CYP2W1: variants seen among roughly 807,000 people sequenced by gnomAD.
CYP2W1 encodes the protein cytochrome P450 2W1.
Under a neutral mutation model 44.9 loss-of-function variants are expected in CYP2W1, and 51 were observed. The ratio of observed to expected loss-of-function variants is 1.14; its 90% CI spans 0.91 to 1.43. The LOEUF is 1.43. CYP2W1 is among the 40% of genes most tolerant of loss of function. The pLI is 0.00. For missense variants in CYP2W1, 746 were observed against 700.0 expected, an observed-to-expected ratio of 1.07 and a Z score of -0.74; for synonymous variants, 383 against 338.3, an observed-to-expected ratio of 1.13 and a Z score of -1.45.
chr7:985,092 C>G lies in CYP2W1; in HGVS notation c.480C>G (p.Gly160=). Residue 160 remains glycine, a synonymous_variant, in exon 3 of 9, where the codon GGC becomes GGG. Transcript: ENST00000308919. The stretch of plus-strand genomic sequence containing the variant: ...AATGCCTCTCTGGGCAGCTGGATGG[C>G]TACAGAGGTGAGCAGGGGGCCGGGG... ...ELKCLSGQLD[G]YRGRPFPLAL... 6.2e-7 allele frequency: 1 copy of G among 1,612,088 alleles called. No homozygotes were observed. The highest frequency in any genetic ancestry group is 1.7e-5 in the Admixed American group (1 of 59,962).
At chr7:987,311 G>A (rs1328494225) in intron 6 of CYP2W1, 36 bp from the exon 7 acceptor site, 2 of 1,535,802 alleles carry the variant, frequency 1.3e-6, no homozygotes, top group Non-Finnish European at 1.8e-6. Flanking sequence ...GACGAGGGAT[G>A]GCGCTGCCAC....
At chr7:984,299 GCCC>G (rs751693758) in intron 1 of CYP2W1, 110 bp from the exon 2 acceptor site, 66 of 1,371,230 alleles carry the variant, frequency 4.8e-5, no homozygotes, top group Non-Finnish European at 6.4e-5. Context: ...CCCTCCACCT[GCCC>G]CCATTTTCCC....
In CYP2W1 at chr7:988,876, C is replaced by T. The variant is rs1679349385; in HGVS notation, c.*54C>T. 1.8e-6 allele frequency: 2 copies of T among 1,122,554 alleles called. No individual in the cohort carries two copies. Among genetic ancestry groups the T allele is most frequent in the Non-Finnish European group, 1.3e-6 (1 of 799,048 alleles). The allele number at this position is 1,122,554 out of a possible 1,614,324, so 69.5% of individuals were successfully genotyped here. On this transcript the variant is annotated 3_prime_UTR_variant, in exon 9 of 9. Transcript: ENST00000308919. ...ACCACTCCCCTCCCAGCCCTGGGTC[C>T]TCCCACCCTCTCTCCTCCCACCCCA...
In CYP2W1 at chr7:985,223, T is replaced by G; in HGVS notation, c.545T>G (p.Leu182Arg). 6.4e-7 allele frequency: 1 copy of G among 1,554,914 alleles called. No homozygotes were observed. Among genetic ancestry groups the G allele is most frequent in the Non-Finnish European group, 8.7e-7 (1 of 1,149,414 alleles). The change falls in exon 4 of 9, where the codon CTC (leucine) becomes CGC (arginine). Residue 182 changes from leucine to arginine, a missense_variant. Coordinates refer to ENST00000308919, the MANE Select transcript of CYP2W1 (RefSeq NM_017781.3). The part of the protein sequence containing the change: ...GWAPSNITFA[L>R]LFGRRFDYRD... ...GCTCCCTCCAATATCACCTTCGCGC[T>G]CCTCTTCGGCCGCCGATTTGACTAC...
rs1333260608 is a variant in CYP2W1 at position 984,325 on chromosome 7, C to A, written c.175-87C>A. 8.1e-6 allele frequency: 12 copies of A among 1,486,654 alleles called. No individual in the cohort carries two copies. In the East Asian group the frequency reaches 2.5e-4, roughly 31 times the overall value. 92.1% of individuals were successfully genotyped at this position (1,486,654 alleles called of 1,614,324 possible). A position where few individuals can be genotyped will look rare whatever the true frequency, so the allele number is the denominator to read the frequency against. On this transcript the variant is annotated intron_variant, in intron 1 of 8. Transcript: ENST00000308919. ...CCCCCATTTTCCCTCTGTCCCCACC[C>A]CTACCCAGCACAGGCCCGGCCTGAG...
chr7:987,446 A>G lies in CYP2W1; in HGVS notation c.1058A>G (p.Glu353Gly), dbSNP rs1197348835. Residue 353 changes from glutamate to glycine, a missense_variant, in exon 7 of 9, where the codon GAG becomes GGG. Coordinates refer to ENST00000308919, the MANE Select transcript of CYP2W1 (RefSeq NM_017781.3). ...CCCTACACAAGCGCCGTGCTCCACG[A>G]GGTGCAGCGGTTCATCACGCTCCTG... ...ALPYTSAVLH[E>G]VQRFITLLPH... The G allele has an allele frequency of 6.3e-7, 1 of 1,584,494 alleles. No homozygotes were observed. The highest frequency in any genetic ancestry group is 1.1e-5 in the South Asian group (1 of 88,628).
intron 1 of CYP2W1, 151 bp downstream of exon 1, chr7:983,536 C>T: frequency 1.3e-6 from 1 of 749,596 alleles, no homozygotes; most frequent in East Asian, 3.3e-5. Flanking sequence ...GCCCACCCTG[C>T]TTTTGGGAGG....
Position 985,168 on chromosome 7 carries a change from C to T in CYP2W1, c.490C>T (p.Arg164Trp), listed in dbSNP as rs780161898. The T allele has an allele frequency of 5.4e-5, 85 of 1,581,016 alleles. No individual in the cohort carries two copies. Among genetic ancestry groups the T allele is most frequent in the East Asian group, 1.8e-4 (8 of 43,598 alleles). Residue 164 changes from arginine to tryptophan, a missense_variant and splice_region_variant, in exon 4 of 9, where the codon CGG becomes TGG. Arg to Trp is a moderately radical substitution (Grantham distance 101). Coordinates refer to ENST00000308919, the MANE Select transcript of CYP2W1 (RefSeq NM_017781.3). ...CCTGAGGCCCGTCTCCCTCGCAGGC[C>T]GGCCCTTCCCGCTGGCCCTACTGGG... ...LSGQLDGYRG[R>W]PFPLALLGWA... is the part of the protein sequence containing the mutation.
intron 1 of CYP2W1, among the ~76,000 whole-genome samples, chr7:983,700 C>T (rs1445367684): frequency 6.6e-6 from 1 of 152,248 alleles, no homozygotes; most frequent in African/African-American, 2.4e-5. Context: ...GGCTTAGGGA[C>T]AGCAGAGGGG....
chr7:985,395 G>T, intron 4 of CYP2W1, 72 bp downstream of exon 4: 1 of 1,491,252 alleles, frequency 6.7e-7, no homozygotes, highest in Admixed American at 2.1e-5. Flanking sequence ...GAGGACGGGG[G>T]CCCCAGTGCT....
chr7:987,735 C>T (rs1031215288), intron 7 of CYP2W1, among the ~76,000 whole-genome samples: 1 of 152,204 alleles, frequency 6.6e-6, no homozygotes, highest in African/African-American at 2.4e-5. Context: ...GGCCAGCAGA[C>T]CTGGCGCCTC....
Position 984,934 on chromosome 7 carries a change from C to G in CYP2W1, c.338-16C>G. The G allele has an allele frequency of 6.3e-7, 1 of 1,581,560 alleles. No individual in the cohort carries two copies. ...GGTGGGAACCTGGGCTCACCACGCA[C>G]TGTATCTGCCTACAGGCATCTTCTT... On this transcript the variant is annotated splice_polypyrimidine_tract_variant and intron_variant, in intron 2 of 8. Transcript: ENST00000308919.
At position 984,591 on chromosome 7, in the gene CYP2W1, C is replaced by T. The variant is rs376088753; in HGVS notation, c.337+17C>T. The T allele has an allele frequency of 8.5e-5, 132 of 1,554,474 alleles. No individual in the cohort carries two copies. The highest frequency in any genetic ancestry group is 1.1e-4 in the Non-Finnish European group (128 of 1,154,958). On this transcript the variant is annotated intron_variant, in intron 2 of 8. Transcript: ENST00000308919. ...GAGGTGGAGGTCGGTGTGTGGCCGG[C>T]GCTACGGGGCCTACTGGGTGTGGGG...
rs759937707 is a variant in CYP2W1 at position 988,632 on chromosome 7, C to T, written c.1286-3C>T. On this transcript the variant is annotated splice_polypyrimidine_tract_variant and splice_region_variant and intron_variant, in intron 8 of 8. Transcript: ENST00000308919. The stretch of plus-strand genomic sequence containing the variant: ...CCACTCTGTGCCTGGACATCCCCCG[C>T]AGGCCGCCGCGTCTGTGTTGGGGAG... 1.2e-6 allele frequency: 2 copies of T among 1,602,964 alleles called. No individual in the cohort carries two copies. Among genetic ancestry groups the T allele is most frequent in the Non-Finnish European group, 1.7e-6 (2 of 1,179,178 alleles).
At chr7:983,664 G>T (rs886923940) in intron 1 of CYP2W1, among the ~76,000 whole-genome samples, 1 of 152,226 alleles carries the variant, frequency 6.6e-6, no homozygotes, top group Non-Finnish European at 1.5e-5. Flanking sequence ...AGGCGGTGGC[G>T]TCTGCTGAGA....
intron 7 of CYP2W1, among the ~76,000 whole-genome samples, chr7:987,918 A>ATCCCCTGTGTGTCCTGGGGGGG (rs1235344854): frequency 6.9e-5 from 7 of 102,016 alleles, no homozygotes; most frequent in Middle Eastern, 9.1e-3. Context: ...TGTCCTGGGG[A>ATCCCCTGTGTGTCCTGGGGGGG]TCCCCTGTGT....
In CYP2W1 at chr7:985,246, T is replaced by C. The variant is rs755282566; in HGVS notation, c.568T>C (p.Tyr190His). 1 of 1,552,300 alleles carries C rather than the reference T, an allele frequency of 6.4e-7. No individual in the cohort carries two copies. The highest frequency in any genetic ancestry group is 1.2e-5 in the South Asian group (1 of 84,258). The change falls in exon 4 of 9, where the codon TAC (tyrosine) becomes CAC (histidine). Residue 190 changes from tyrosine (Y) to histidine (H), a missense_variant. By Grantham distance (83) the Tyr-to-His change is moderately conservative (BLOSUM62 2). Transcript: ENST00000308919. ...GCTCCTCTTCGGCCGCCGATTTGAC[T>C]ACCGGGACCCCGTGTTTGTGTCCCT... is the stretch of plus-strand genomic sequence containing the variant. ...FALLFGRRFD[Y>H]RDPVFVSLLG...
chr7:988,613 T>G, intron 8 of CYP2W1, 22 bp from the exon 9 acceptor site: 1 of 1,603,566 alleles, frequency 6.2e-7, no homozygotes, highest in Non-Finnish European at 8.5e-7. Context: ...CAGCCCACTC[T>G]GTGCCTGGAC....
chr7:988,294 C>T lies in CYP2W1; in HGVS notation c.1161C>T (p.Pro387=). 2 of 1,598,884 alleles carry T rather than the reference C, an allele frequency of 1.3e-6. No individual in the cohort carries two copies. Among genetic ancestry groups the T allele is most frequent in the South Asian group, 1.1e-5 (1 of 90,112 alleles). ...FLLPKGTPVI[P]LLTSVLLDET... ...CCCCACAGGGCACGCCCGTGATTCC[C>T]CTGCTGACCTCGGTGCTCCTGGATG... The change falls in exon 8 of 9, where the codon CCC becomes CCT. Residue 387 remains proline (P), a synonymous_variant. Transcript: ENST00000308919.
Sources: gnomAD v4.1 joint callset for allele counts (sites outside exome capture counted in the v4.1 genomes callset) on GRCh38, gnomAD v4.1.1 for gene constraint, MANE v1.5 for transcripts, NCBI Gene and HGNC (gene_info 2026-07-23, HGNC 2026-07-21) for gene names.